ARHGEF3: variants seen among roughly 807,000 people sequenced by gnomAD.
The protein encoded by ARHGEF3 is 59.8 kDA protein.
A neutral mutation model predicts 63.2 loss-of-function variants in ARHGEF3; 28 were observed. That is an observed-to-expected ratio of 0.44 (90% CI 0.33 to 0.61). The LOEUF (loss-of-function observed/expected upper bound fraction) is 0.61, where lower values mean the gene tolerates loss of function less well. Ranked by LOEUF, ARHGEF3 falls within the 20% of genes least tolerant of loss-of-function variation. The pLI, the probability that ARHGEF3 is intolerant of heterozygous loss-of-function variation, is 0.03. For synonymous variants in ARHGEF3, 266 were observed against 254.2 expected (o/e 1.05, Z -0.44); for missense variants, 533 against 659.3 (o/e 0.81, Z 2.10).
chr3:56,986,437 A>G (rs1331501523), intron 2 of ARHGEF3, among the ~76,000 whole-genome samples: 1 of 152,218 alleles, frequency 6.6e-6, no homozygotes, highest in African/African-American at 2.4e-5. Context: ...AGGTTTGGCA[A>G]CAGTGGGGAA....
At chr3:56,823,490 C>T (rs2038595482) in intron 4 of ARHGEF3, among the ~76,000 whole-genome samples, 1 of 152,098 alleles carries the variant, frequency 6.6e-6, no homozygotes, top group African/African-American at 2.4e-5. Context: ...TCTCCTCCTG[C>T]CCTTCACCTT....
chr3:57,030,710 T>C (rs1380419883), intron 2 of ARHGEF3, among the ~76,000 whole-genome samples: 1 of 152,178 alleles, frequency 6.6e-6, no homozygotes, highest in Non-Finnish European at 1.5e-5. Context: ...AACTGAGGCA[T>C]AGAAATGCAC....
At chr3:56,962,034 G>C (rs1578961747) in intron 2 of ARHGEF3, among the ~76,000 whole-genome samples, 1 of 152,102 alleles carries the variant, frequency 6.6e-6, no homozygotes, top group Non-Finnish European at 1.5e-5. Context: ...GACAGAGGGA[G>C]ACCCTGTCTC....
At chr3:56,946,575 G>GA (rs1454328290) in intron 3 of ARHGEF3, among the ~76,000 whole-genome samples, 1 of 152,106 alleles carries the variant, frequency 6.6e-6, no homozygotes, top group Non-Finnish European at 1.5e-5. Context: ...AAAGTTTAGA[G>GA]AAAAAAGAAT....
At chr3:56,920,902 A>G (rs1187812810) in intron 3 of ARHGEF3, among the ~76,000 whole-genome samples, 1 of 151,974 alleles carries the variant, frequency 6.6e-6, no homozygotes, top group Non-Finnish European at 1.5e-5. Context: ...AATACAAAAA[A>G]AAATTAGCCA....
At chr3:56,765,094 A>C (rs906704593) in intron 2 of ARHGEF3, among the ~76,000 whole-genome samples, 3 of 152,110 alleles carry the variant, frequency 2.0e-5, no homozygotes, top group Non-Finnish European at 2.9e-5. Context: ...AGGAACAATA[A>C]ACAGTAATAT....
At chr3:57,063,775 T>C (rs759965620) in intron 1 of ARHGEF3, among the ~76,000 whole-genome samples, 1 of 152,146 alleles carries the variant, frequency 6.6e-6, no homozygotes, top group Non-Finnish European at 1.5e-5. Flanking sequence ...GCACTCACTG[T>C]AGACCTTGGT....
At chr3:56,947,565 C>T (rs1228870776) in intron 3 of ARHGEF3, among the ~76,000 whole-genome samples, 5 of 152,178 alleles carry the variant, frequency 3.3e-5, no homozygotes, top group African/African-American at 1.2e-4. Context: ...ATCAATTCAA[C>T]AAGAAGAGCT....
chr3:56,988,441 C>G (rs1191234849), intron 2 of ARHGEF3, among the ~76,000 whole-genome samples: 1 of 152,184 alleles, frequency 6.6e-6, no homozygotes, highest in African/African-American at 2.4e-5. Context: ...GCCACCCCAC[C>G]TGGCCTAAGA....
chr3:57,005,415 T>C (rs1702429907), intron 2 of ARHGEF3, among the ~76,000 whole-genome samples: 1 of 152,198 alleles, frequency 6.6e-6, no homozygotes, highest in Non-Finnish European at 1.5e-5. Flanking sequence ...TAGAAATGTC[T>C]GTGGCAACCC....
chr3:56,854,029 A>C (rs1010672248), intron 4 of ARHGEF3, among the ~76,000 whole-genome samples: 3 of 152,210 alleles, frequency 2.0e-5, no homozygotes, highest in South Asian at 4.2e-4. Flanking sequence ...CCCCGTCTCT[A>C]CTAAAAATAG....
intron 3 of ARHGEF3, among the ~76,000 whole-genome samples, chr3:56,890,016 C>T (rs933683796): frequency 6.6e-6 from 1 of 152,086 alleles, no homozygotes; most frequent in Admixed American, 6.6e-5. Context: ...GAGCCAAGGT[C>T]GCACCACTGC....
chr3:56,852,304 C>T (rs1263507784), intron 4 of ARHGEF3, among the ~76,000 whole-genome samples: 1 of 152,086 alleles, frequency 6.6e-6, no homozygotes, highest in Non-Finnish European at 1.5e-5. Context: ...TTTCATTTTC[C>T]TTCGTTTTCT....
rs201940076 is a variant in ARHGEF3, at chr3:56,923,061, TATATATATATATATAA to T, written c.129+35746_129+35761del. On this transcript the variant is annotated intron_variant, in intron 3 of 12. Coordinates refer to the ARHGEF3 transcript ENST00000338458. ...ATATATATATATATATATATATATA[TATATATATATATATAA>T]ATTAGTTGGGCATGGTGGCGTGTGC... Among the ~76,000 whole-genome samples the T allele has an allele frequency of 1.1e-4, 3 of 26,858 alleles. 1 individual carries two copies. The highest frequency in any genetic ancestry group is 1.0e-3 in the Admixed American group (3 of 2,878). 17.6% of individuals were successfully genotyped at this position (26,858 alleles called of 152,430 possible). A position where few individuals can be genotyped will look rare whatever the true frequency, so the allele number is the denominator to read the frequency against.
At position 56,902,780 on chromosome 3, in the gene ARHGEF3, T is replaced by C. The variant is rs1023039744; in HGVS notation, c.130-20426A>G. ...ATGTGAGCAGACCAGAGAAGGAGAC[T>C]TATACTCTCACACTACACTTGTGTG... On this transcript the variant is annotated intron_variant, in intron 3 of 12. Coordinates refer to the ARHGEF3 transcript ENST00000338458. Among the ~76,000 whole-genome samples the C allele has an allele frequency of 5.9e-5, 9 of 152,234 alleles. No individual in the cohort carries two copies. In the East Asian group the frequency reaches 1.7e-3, roughly 29 times the overall value.
intron 1 of ARHGEF3, chr3:57,035,192 A>G (rs1159996025): frequency 2.1e-6 from 3 of 1,395,422 alleles, no homozygotes; most frequent in Non-Finnish European, 2.9e-6. Context: ...TTAAAAAGCA[A>G]AACAACCAAC....
At chr3:56,968,081 T>C (rs1700684774) in intron 2 of ARHGEF3, among the ~76,000 whole-genome samples, 1 of 57,502 alleles carries the variant, frequency 1.7e-5, no homozygotes, top group Non-Finnish European at 3.0e-5. Context: ...ATATATTATA[T>C]ATTTATTATA....
intron 4 of ARHGEF3, among the ~76,000 whole-genome samples, chr3:56,838,925 T>A (rs2039213911): frequency 1.3e-5 from 2 of 151,082 alleles, no homozygotes; most frequent in Admixed American, 1.3e-4. Flanking sequence ...AGCCCAGGAG[T>A]TCAAGACCAG....
At chr3:57,002,982 C>A (rs965416767) in intron 2 of ARHGEF3, among the ~76,000 whole-genome samples, 29 of 151,546 alleles carry the variant, frequency 1.9e-4, no homozygotes, top group Non-Finnish European at 4.0e-4. Context: ...TCATGTTGGC[C>A]AGGCTCCGTC....
Sources: allele counts gnomAD v4.1 joint callset (sites outside exome capture counted in the v4.1 genomes callset), GRCh38; gene constraint gnomAD v4.1.1; transcripts MANE v1.5; gene names NCBI Gene and HGNC (gene_info 2026-07-23, HGNC 2026-07-21).